DNAH8: variants seen among roughly 807,000 people sequenced by gnomAD.
DNAH8 encodes the protein dynein axonemal heavy chain 8.
In DNAH8, 382 loss-of-function variants were observed where a neutral mutation model predicts 562.1. That is an observed-to-expected ratio of 0.68 (90% CI 0.63 to 0.74). DNAH8 has a LOEUF of 0.74. Among genes scored for constraint, DNAH8 ranks in the 30% least tolerant of loss-of-function variants. The pLI, the probability that DNAH8 is intolerant of heterozygous loss-of-function variation, is 0.00. For synonymous variants in DNAH8, 1,881 were observed against 1,919.4 expected, an observed-to-expected ratio of 0.98 and a Z score of 0.52; for missense variants, 5,203 against 5,620.4, an observed-to-expected ratio of 0.93 and a Z score of 2.37.
chr6:39,003,910 C>G (rs1425376393), intron 88 of DNAH8, among the ~76,000 whole-genome samples: 1 of 152,044 alleles, frequency 6.6e-6, no homozygotes, highest in Non-Finnish European at 1.5e-5. Context: ...TTTTACGCCA[C>G]TCTTTCTATG....
In DNAH8 at chr6:38,863,493, A is replaced by C. The variant is rs191334498; in HGVS notation, c.6311-380A>C. ...CAAAACTCCTGATCTCTAGGTGCTCAGACACAACAACAACAACAACAACAA... is the reference window on the plus strand; with the variant it reads ...CAAAACTCCTGATCTCTAGGTGCTCCGACACAACAACAACAACAACAACAA... On this transcript the variant is annotated intron_variant, in intron 44 of 92. Transcript: ENST00000327475. Among the ~76,000 whole-genome samples, 24 of 152,028 alleles carry C rather than the reference A, an allele frequency of 1.6e-4. No individual in the cohort carries two copies. The East Asian group carries it at 4.5e-3, about 28-fold the overall frequency.
intron 60 of DNAH8, among the ~76,000 whole-genome samples, chr6:38,896,619 AAGAG>A (rs796984528): frequency 1.1e-3 from 164 of 151,708 alleles, no homozygotes; most frequent in East Asian, 2.5e-3. Context: ...AAAAACAAAA[AAGAG>A]AGAGAGAGAG....
At chr6:38,811,416 T>G (rs1012568851) in intron 24 of DNAH8, among the ~76,000 whole-genome samples, 11 of 152,230 alleles carry the variant, frequency 7.2e-5, no homozygotes, top group Non-Finnish European at 1.2e-4. Context: ...CTAATGACTC[T>G]GTCATCTATG....
At chr6:38,758,156 A>G (rs1247108615) in intron 10 of DNAH8, among the ~76,000 whole-genome samples, 2 of 152,194 alleles carry the variant, frequency 1.3e-5, no homozygotes, top group Non-Finnish European at 2.9e-5. Context: ...CTTCCTACCC[A>G]TGAGCATGGA....
chr6:39,018,616 A>G (rs1390353361), intron 91 of DNAH8, among the ~76,000 whole-genome samples: 2 of 152,206 alleles, frequency 1.3e-5, no homozygotes, highest in Non-Finnish European at 2.9e-5. Context: ...CACCAGAGCC[A>G]TGATCTGCCC....
chr6:38,910,078 T>C (rs1255265017), intron 65 of DNAH8, among the ~76,000 whole-genome samples: 1 of 152,262 alleles, frequency 6.6e-6, no homozygotes, highest in Non-Finnish European at 1.5e-5. Flanking sequence ...TAGTTTCTTA[T>C]TCAAATGTAT....
chr6:38,941,195 C>T (rs1783430751), intron 79 of DNAH8, among the ~76,000 whole-genome samples: 1 of 151,864 alleles, frequency 6.6e-6, no homozygotes, highest in Admixed American at 6.6e-5. Flanking sequence ...GAAATAACAG[C>T]CAAAGCCATG....
At chr6:38,811,836 C>G (rs1771823639) in intron 24 of DNAH8, among the ~76,000 whole-genome samples, 1 of 152,116 alleles carries the variant, frequency 6.6e-6, no homozygotes, top group Non-Finnish European at 1.5e-5. Context: ...ACTTTTGCCT[C>G]TAAATGACAC....
At chr6:38,957,446 C>T (rs955357524) in intron 82 of DNAH8, among the ~76,000 whole-genome samples, 8 of 151,762 alleles carry the variant, frequency 5.3e-5, no homozygotes, top group East Asian at 1.9e-4. Flanking sequence ...AATAAAGAAA[C>T]ATTAGAGTTA....
chr6:38,902,272 AG>A (rs2150510878), intron 62 of DNAH8, among the ~76,000 whole-genome samples: 1 of 152,180 alleles, frequency 6.6e-6, no homozygotes, highest in East Asian at 1.9e-4. Context: ...CCTCCAGGAG[AG>A]TACCTTTCAT....
At chr6:38,741,639 A>G in intron 7 of DNAH8, 72 bp from the exon 8 acceptor site, 1 of 1,337,006 alleles carries the variant, frequency 7.5e-7, no homozygotes. Context: ...AGCTGCCTTC[A>G]AAAAGATGCA....
rs954207736 is a variant in DNAH8, at chr6:38,786,967, G to A, written c.2583+15G>A. 6.5e-7 allele frequency: 1 copy of A among 1,542,790 alleles called. No individual in the cohort carries two copies. Among genetic ancestry groups the A allele is most frequent in the Non-Finnish European group, 8.7e-7 (1 of 1,145,268 alleles). ...TGTATTTGCAGGTAAGATAGATTAT[G>A]TTTTCTAATTATTTTTGAAGGAGTT... On this transcript the variant is annotated intron_variant, in intron 18 of 92. Transcript: ENST00000327475.
chr6:38,734,704 T>A (rs189545869), intron 5 of DNAH8, 79 bp downstream of exon 5: 2 of 1,484,860 alleles, frequency 1.3e-6, no homozygotes, highest in Admixed American at 4.5e-5. Context: ...TTACTTTGCT[T>A]TCCCTTTTTA....
intron 14 of DNAH8, 82 bp downstream of exon 14, chr6:38,778,546 T>A: frequency 1.1e-6 from 1 of 885,056 alleles, no homozygotes; most frequent in Non-Finnish European, 1.8e-6. Flanking sequence ...TAGGATGTTG[T>A]TGGAAATCTG....
intron 71 of DNAH8, 119 bp from the exon 72 acceptor site, chr6:38,922,939 G>T: frequency 1.0e-6 from 1 of 989,438 alleles, no homozygotes; most frequent in Admixed American, 2.7e-5. Flanking sequence ...TGTATTTTTA[G>T]GTTATATTAT....
chr6:38,896,890 A>G (rs1055745299), intron 60 of DNAH8, among the ~76,000 whole-genome samples: 2 of 152,042 alleles, frequency 1.3e-5, no homozygotes, highest in Admixed American at 1.3e-4. Context: ...AGTTCAAGCA[A>G]TTCTCCTGCC....
At chr6:38,887,692 G>A (rs1031291090) in intron 57 of DNAH8, among the ~76,000 whole-genome samples, 13 of 152,038 alleles carry the variant, frequency 8.6e-5, no homozygotes, top group African/African-American at 2.9e-4. Context: ...GGGTAACAGA[G>A]TAAGAACCTG....
At chr6:38,923,296 A>G in intron 72 of DNAH8, 111 bp downstream of exon 72, 1 of 1,293,702 alleles carries the variant, frequency 7.7e-7, no homozygotes. Flanking sequence ...CAGTGCTTGC[A>G]ACTTAAATCA....
At chr6:38,845,835 A>G in intron 36 of DNAH8, 62 bp downstream of exon 36, 1 of 1,402,180 alleles carries the variant, frequency 7.1e-7, no homozygotes, top group Non-Finnish European at 1.0e-6. Context: ...AATTCTAAGT[A>G]AAAGCTCAGT....
Sources: gnomAD v4.1 joint callset for allele counts (sites outside exome capture counted in the v4.1 genomes callset) on GRCh38, gnomAD v4.1.1 for gene constraint, MANE v1.5 for transcripts, NCBI Gene and HGNC (gene_info 2026-07-23, HGNC 2026-07-21) for gene names.